STON2: variants seen among roughly 807,000 people sequenced by gnomAD.
The protein encoded by STON2 is stonin 2, also known as stonin-2.
STON2 carries 29 observed loss-of-function variants against 65.7 expected under a neutral mutation model. The observed-to-expected ratio is 0.44, with a 90% confidence interval of 0.33 to 0.60. The LOEUF is 0.60. Among genes scored for constraint, STON2 ranks in the 20% least tolerant of loss-of-function variants. The probability of loss-of-function intolerance (pLI) is 0.03; values close to 1 mark genes in which losing one functional copy is unlikely to be tolerated. For synonymous variants in STON2, 404 were observed against 414.2 expected, an observed-to-expected ratio of 0.98 and a Z score of 0.30; for missense variants, 1,054 against 1,118.1, an observed-to-expected ratio of 0.94 and a Z score of 0.82.
At chr14:81,434,739 C>G (rs1322514820) in intron 1 of STON2, among the ~76,000 whole-genome samples, 1 of 152,066 alleles carries the variant, frequency 6.6e-6, no homozygotes, top group African/African-American at 2.4e-5. Context: ...CCAAGCAGGT[C>G]CGCTACATGT....
intron 5 of STON2, among the ~76,000 whole-genome samples, chr14:81,305,500 A>G (rs1170100749): frequency 6.6e-6 from 1 of 152,150 alleles, no homozygotes; most frequent in East Asian, 1.9e-4. Flanking sequence ...GGCCATTTGG[A>G]TAGCCTCCTT....
chr14:81,347,203 A>G (rs1239541019), intron 4 of STON2, among the ~76,000 whole-genome samples: 1 of 152,134 alleles, frequency 6.6e-6, no homozygotes, highest in Admixed American at 6.5e-5. Flanking sequence ...AAAGGAGAGA[A>G]GTTCCCAATA....
chr14:81,340,300 G>A (rs930100276), intron 4 of STON2, among the ~76,000 whole-genome samples: 5 of 152,128 alleles, frequency 3.3e-5, no homozygotes, highest in Non-Finnish European at 7.4e-5. Context: ...GGTGGGGTGG[G>A]GGACAGAGAG....
chr14:81,308,806 ATATATATATATATATATATG>A (rs1277228473), intron 5 of STON2, among the ~76,000 whole-genome samples: 10 of 9,402 alleles, frequency 1.1e-3, no homozygotes, highest in African/African-American at 1.4e-3. Flanking sequence ...ATATATATAT[ATATATATATATATATATATG>A]TGTGTGTGTG....
Position 81,298,255 on chromosome 14 carries a change from T to G in STON2, c.743-19516A>C, listed in dbSNP as rs555657976. Reference sequence around the variant, plus strand: ...ATGAGCTATCAAGAAATTGTGAATCTCCAGATAATGACTTCCTGTTCCACA... The same window carrying G: ...ATGAGCTATCAAGAAATTGTGAATCGCCAGATAATGACTTCCTGTTCCACA... On this transcript the variant is annotated intron_variant, in intron 5 of 7. Transcript: ENST00000614646. Among the ~76,000 whole-genome samples the G allele has an allele frequency of 1.3e-3, 202 of 152,160 alleles. 1 individual carries two copies. Among genetic ancestry groups the G allele is most frequent in the African/African-American group, 4.8e-3 (198 of 41,500 alleles).
intron 3 of STON2, among the ~76,000 whole-genome samples, chr14:81,391,566 G>C (rs1900079647): frequency 6.6e-6 from 1 of 152,212 alleles, no homozygotes; most frequent in African/African-American, 2.4e-5. Flanking sequence ...TAGCTTATGT[G>C]GGAGAGGTTA....
intron 5 of STON2, among the ~76,000 whole-genome samples, chr14:81,313,573 T>A (rs1378134273): frequency 1.3e-5 from 2 of 151,742 alleles, no homozygotes; most frequent in Non-Finnish European, 2.9e-5. Flanking sequence ...GGCAGGTAGA[T>A]CACTTGAGGT....
intron 4 of STON2, among the ~76,000 whole-genome samples, chr14:81,330,425 GA>G (rs1897168718): frequency 1.3e-5 from 2 of 150,210 alleles, no homozygotes; most frequent in African/African-American, 5.0e-5. Context: ...TTGGGATTTA[GA>G]GATGGTGTCT....
At chr14:81,344,669 C>T (rs1319192988) in intron 4 of STON2, among the ~76,000 whole-genome samples, 1 of 152,174 alleles carries the variant, frequency 6.6e-6, no homozygotes, top group Non-Finnish European at 1.5e-5. Flanking sequence ...GACATTTAGA[C>T]TGACACTGAC....
rs1396556712 is a variant in STON2 at position 81,278,393 on chromosome 14, A to G, written c.1089T>C (p.Ala363=). Residue 363 remains alanine, a synonymous_variant, in exon 6 of 8, where the codon GCT becomes GCC. Coordinates refer to ENST00000614646, the MANE Select transcript of STON2 (RefSeq NM_001394390.1). The part of the protein sequence containing the change: ...SLNRTPSVTE[A]SPWRATNPFL... ...AAGGGTTGGTTGCCCTCCAAGGTGA[A>G]GCCTCAGTTACAGAAGGCGTGCGGT... 3 of 1,614,092 alleles carry G rather than the reference A, an allele frequency of 1.9e-6. No homozygotes were observed. In the Admixed American group the frequency reaches 5.0e-5, roughly 27 times the overall value.
chr14:81,341,415 T>C (rs1897602719), intron 4 of STON2, among the ~76,000 whole-genome samples: 1 of 151,940 alleles, frequency 6.6e-6, no homozygotes, highest in Non-Finnish European at 1.5e-5. Context: ...TCAGCTATGC[T>C]TCTTGCTTTA....
intron 5 of STON2, among the ~76,000 whole-genome samples, chr14:81,323,320 C>T (rs1896887340): frequency 6.6e-6 from 1 of 152,224 alleles, no homozygotes; most frequent in African/African-American, 2.4e-5. Context: ...ACCTGCTTCC[C>T]AGCCTCCACC....
At chr14:81,293,027 C>T (rs182443747) in intron 5 of STON2, among the ~76,000 whole-genome samples, 9 of 152,254 alleles carry the variant, frequency 5.9e-5, no homozygotes, top group African/African-American at 1.7e-4. Context: ...CCAAGGTGCA[C>T]CATCCATGAT....
intron 3 of STON2, among the ~76,000 whole-genome samples, chr14:81,384,646 GTGT>G (rs1343721013): frequency 6.6e-6 from 1 of 152,194 alleles, no homozygotes; most frequent in Admixed American, 6.5e-5. Context: ...TGTATCCACA[GTGT>G]TTGAACATGA....
chr14:81,329,270 A>G (rs1350545525), intron 4 of STON2, among the ~76,000 whole-genome samples: 1 of 152,006 alleles, frequency 6.6e-6, no homozygotes, highest in Non-Finnish European at 1.5e-5. Context: ...TGGCTGACAC[A>G]GTGAAACCCC....
At chr14:81,370,935 TG>T in intron 4 of STON2, 52 bp downstream of exon 4, 1 of 1,548,980 alleles carries the variant, frequency 6.5e-7, no homozygotes. Flanking sequence ...AAAGTGGACC[TG>T]GGTACACCAA....
chr14:81,393,854 C>T (rs747554770), intron 3 of STON2, among the ~76,000 whole-genome samples: 30 of 152,270 alleles, frequency 2.0e-4, no homozygotes, highest in Admixed American at 8.5e-4. Context: ...ACTTCTTCCA[C>T]GCTGCACTGA....
rs779468554 is a variant in STON2 at position 81,276,991 on chromosome 14, C to T, written c.2491G>A (p.Val831Ile). Reference sequence around the variant, plus strand: ...GCAGTTCCCAGAGTTACTCTCATGACAGGCTCAGAGCCAGAAACACTAGTG... The same window carrying T: ...GCAGTTCCCAGAGTTACTCTCATGATAGGCTCAGAGCCAGAAACACTAGTG... ...GSTSVSGSEP[V>I]MRVTLGTAKY... The change falls in exon 6 of 8, where the codon GTC becomes ATC. Residue 831 changes from valine (V) to isoleucine (I), a missense_variant. Coordinates refer to ENST00000614646, the MANE Select transcript of STON2 (RefSeq NM_001394390.1). 1.2e-6 allele frequency: 2 copies of T among 1,614,232 alleles called. No individual in the cohort carries two copies. The highest frequency in any genetic ancestry group is 1.7e-5 in the Admixed American group (1 of 60,030).
At chr14:81,402,940 G>A (rs1316037924), upstream of STON2, among the ~76,000 whole-genome samples, 1 of 152,152 alleles carries the variant, frequency 6.6e-6, no homozygotes, top group Non-Finnish European at 1.5e-5. Flanking sequence ...ATGAACAAAG[G>A]ATTCCTGAGA....
Sources: allele counts gnomAD v4.1 joint callset (sites outside exome capture counted in the v4.1 genomes callset), GRCh38; gene constraint gnomAD v4.1.1; transcripts MANE v1.5; gene names NCBI Gene and HGNC (gene_info 2026-07-23, HGNC 2026-07-21).